UGT1A8: variants seen among roughly 807,000 people sequenced by gnomAD.
UGT1A8 encodes the protein UDP glucuronosyltransferase family 1 member A8.
A neutral mutation model predicts 45.3 loss-of-function variants in UGT1A8; 39 were observed. That is an observed-to-expected ratio of 0.86 (90% CI 0.67 to 1.12). The LOEUF (loss-of-function observed/expected upper bound fraction) is 1.12. Ranked by LOEUF, UGT1A8 falls within the 50% of genes most tolerant of loss-of-function variation. The probability of loss-of-function intolerance (pLI) is 0.00; values close to 1 mark genes in which losing one functional copy is unlikely to be tolerated. For synonymous variants in UGT1A8, 275 were observed against 249.2 expected (o/e 1.10, Z -0.97); for missense variants, 719 against 664.9 (o/e 1.08, Z -0.90).
chr2:233,749,529 C>T (rs575946575), intron 1 of UGT1A8, among the ~76,000 whole-genome samples: 6 of 151,916 alleles, frequency 3.9e-5, no homozygotes, highest in African/African-American at 9.7e-5. Context: ...GGCTAATTTT[C>T]GAGTGTGGTA....
At chr2:233,639,479 G>A (rs6727234) in intron 1 of UGT1A8, among the ~76,000 whole-genome samples, 4,590 of 152,278 alleles carry the variant, frequency 0.03, 214 homozygotes, top group African/African-American at 0.1. Context: ...ATGCCAGGAT[G>A]TGTCTGGGAA....
chr2:233,717,899 T>G, intron 1 of UGT1A8: 1 of 454,812 alleles, frequency 2.2e-6, no homozygotes, highest in Non-Finnish European at 4.4e-6. Flanking sequence ...ATCTTCAGGA[T>G]GAAATAAAGG....
intron 1 of UGT1A8, among the ~76,000 whole-genome samples, chr2:233,725,178 G>A (rs2077377532): frequency 1.5e-5 from 1 of 68,192 alleles, no homozygotes; most frequent in Admixed American, 1.4e-4. Flanking sequence ...GAGACCGTGG[G>A]GAGAGGCAGA....
intron 1 of UGT1A8, chr2:233,636,789 A>T (rs1323959873): frequency 6.2e-7 from 1 of 1,614,098 alleles, no homozygotes; most frequent in Non-Finnish European, 8.5e-7. Context: ...AGAACCGGGA[A>T]TTCATGGTTT....
chr2:233,707,035 T>A (rs1409534303), intron 1 of UGT1A8, among the ~76,000 whole-genome samples: 1 of 152,090 alleles, frequency 6.6e-6, no homozygotes, highest in African/African-American at 2.4e-5. Context: ...GCCCCCAAGG[T>A]AGAGGAAGCT....
At chr2:233,669,013 GGGTTATA>G (rs2074130273) in intron 1 of UGT1A8, among the ~76,000 whole-genome samples, 1 of 152,164 alleles carries the variant, frequency 6.6e-6, no homozygotes, top group African/African-American at 2.4e-5. Context: ...GGTAACACAG[GGGTTATA>G]GGTTTTTAGG....
At chr2:233,644,257 G>A (rs2073541301) in intron 1 of UGT1A8, among the ~76,000 whole-genome samples, 2 of 152,180 alleles carry the variant, frequency 1.3e-5, no homozygotes, top group African/African-American at 4.8e-5. Flanking sequence ...ATTTCCCTCA[G>A]CCTAGGGCTG....
At chr2:233,637,165 G>C (rs2073317912) in intron 1 of UGT1A8, 1 of 1,613,812 alleles carries the variant, frequency 6.2e-7, no homozygotes, top group African/African-American at 1.3e-5. Flanking sequence ...CGTGCACTTG[G>C]AGGACCATTT....
At chr2:233,699,625 C>T (rs1308666244) in intron 1 of UGT1A8, among the ~76,000 whole-genome samples, 1 of 152,194 alleles carries the variant, frequency 6.6e-6, no homozygotes, top group Non-Finnish European at 1.5e-5. Flanking sequence ...AGAATGCAAG[C>T]TCAGGCCTAG....
At chr2:233,743,654 T>C in intron 1 of UGT1A8, 1 of 1,367,284 alleles carries the variant, frequency 7.3e-7, no homozygotes, top group Non-Finnish European at 9.8e-7. Context: ...GAAGACGTAC[T>C]CGAAGGGGTC....
intron 1 of UGT1A8, among the ~76,000 whole-genome samples, chr2:233,629,021 C>G (rs185176527): frequency 6.6e-6 from 1 of 152,040 alleles, no homozygotes; most frequent in Admixed American, 6.6e-5. Context: ...GTATTGAGTA[C>G]GTTCACATTG....
chr2:233,709,696 T>G lies in UGT1A8; in HGVS notation c.856-57338T>G, dbSNP rs554703505. The stretch of plus-strand genomic sequence containing the variant: ...GTCTTTTGGTCAGCTTGGGAAAATT[T>G]TGTTCTTTTTTAATTGAATGATATG... On this transcript the variant is annotated intron_variant, in intron 1 of 4. Coordinates refer to ENST00000373450, the MANE Select transcript of UGT1A8 (RefSeq NM_019076.5). Among the ~76,000 whole-genome samples, 7 of 152,334 alleles carry G rather than the reference T, an allele frequency of 4.6e-5. No individual in the cohort carries two copies. In the East Asian group the frequency reaches 1.3e-3, roughly 29 times the overall value.
intron 1 of UGT1A8, chr2:233,672,410 A>G: frequency 6.2e-7 from 1 of 1,614,006 alleles, no homozygotes; most frequent in South Asian, 1.1e-5. Flanking sequence ...ATTGTTGCCA[A>G]ATATTTCTCC....
intron 1 of UGT1A8, chr2:233,690,730 G>C (rs2075005257): frequency 8.3e-7 from 1 of 1,210,332 alleles, no homozygotes. Flanking sequence ...AGACATGCCA[G>C]ATTCCTCTGG....
At chr2:233,672,788 TG>T (rs767136813) in intron 1 of UGT1A8, 52 of 1,613,032 alleles carry the variant, frequency 3.2e-5, no homozygotes, top group Non-Finnish European at 3.1e-5. Flanking sequence ...CCGTTGCCTA[TG>T]GTAAGTTATC....
chr2:233,748,732 T>A (rs1233122564), intron 1 of UGT1A8, among the ~76,000 whole-genome samples: 1 of 151,606 alleles, frequency 6.6e-6, no homozygotes, highest in East Asian at 1.9e-4. Context: ...TGTGGGGACA[T>A]CTCAGAGTTC....
intron 1 of UGT1A8, chr2:233,636,612 A>T: frequency 1.2e-6 from 2 of 1,614,110 alleles, no homozygotes; most frequent in South Asian, 2.2e-5. Flanking sequence ...AGCTGCTGGT[A>T]GTGCCCATGG....
At chr2:233,677,231 C>G (rs1158558873) in intron 1 of UGT1A8, among the ~76,000 whole-genome samples, 1 of 152,136 alleles carries the variant, frequency 6.6e-6, no homozygotes, top group African/African-American at 2.4e-5. Context: ...AATGTACAGT[C>G]TTTCACATCC....
intron 1 of UGT1A8, among the ~76,000 whole-genome samples, chr2:233,665,312 G>A (rs1388851466): frequency 1.3e-5 from 2 of 152,182 alleles, no homozygotes; most frequent in South Asian, 2.1e-4. Flanking sequence ...TTGTCTTTTT[G>A]CACATTAGTA....
Sources: gnomAD v4.1 joint callset for allele counts (sites outside exome capture counted in the v4.1 genomes callset) on GRCh38, gnomAD v4.1.1 for gene constraint, MANE v1.5 for transcripts, NCBI Gene and HGNC (gene_info 2026-07-23, HGNC 2026-07-21) for gene names.